Variants in CARS1 observed in about 807,000 individuals in gnomAD.
CARS1 encodes cysteine--tRNA ligase, cytoplasmic.
A neutral mutation model predicts 106.2 loss-of-function variants in CARS1; 48 were observed. The ratio of observed to expected loss-of-function variants is 0.45; its 90% confidence interval spans 0.36 to 0.57. The LOEUF is 0.57. CARS1 is among the 20% of genes least tolerant of loss of function. CARS1 has a pLI of 0.00. For synonymous variants in CARS1, 409 were observed against 403.4 expected (o/e 1.01, Z -0.17); for missense variants, 968 against 1,057.2 (o/e 0.92, Z 1.17).
Position 3,018,517 on chromosome 11 carries a change from G to C in CARS1, c.1526-6C>G, listed in dbSNP as rs1239013770. The C allele has an allele frequency of 6.2e-7, 1 of 1,613,346 alleles. No individual in the cohort carries two copies. The highest frequency in any genetic ancestry group is 1.3e-5 in the African/African-American group (1 of 75,044). ...GGCCAGCCGCAACTGCCGTGCTGTG[G>C]GGGGACACAAGACAGCCAACGCCCT... On this transcript the variant is annotated splice_region_variant and splice_polypyrimidine_tract_variant and intron_variant, in intron 13 of 22. Transcript: ENST00000380525.
rs1338346903 is a variant in CARS1, at chr11:3,052,253, C to T, written c.26-4252G>A. The stretch of plus-strand genomic sequence containing the variant: ...AGGGCTGAGTACCTACACTCACACA[C>T]ACGGCGGCATTTCCTCACGGTAAAA... On this transcript the variant is annotated intron_variant, in intron 1 of 22. Coordinates refer to ENST00000380525, the MANE Select transcript of CARS1 (RefSeq NM_001014437.3). This position sits in a 1 kb window ranked among gnomAD's most constrained non-coding sequence, Gnocchi z 4.6. Among the ~76,000 whole-genome samples the T allele has an allele frequency of 6.6e-6, 1 of 152,216 alleles. No homozygotes were observed. Among genetic ancestry groups the T allele is most frequent in the Non-Finnish European group, 1.5e-5 (1 of 68,044 alleles).
chr11:3,034,574 G>A lies in CARS1; in HGVS notation c.801+3476C>T, dbSNP rs768751970. 6.6e-6 allele frequency among the ~76,000 whole-genome samples: 1 copy of A among 151,870 alleles called. No homozygotes were observed. Among genetic ancestry groups the A allele is most frequent in the Non-Finnish European group, 1.5e-5 (1 of 68,002 alleles). ...GAGACGGAGTCTTGCTTCGTCGCCA[G>A]GCTGCAGTGCAACAGCACGATCTCG... is the stretch of plus-strand genomic sequence containing the variant. On this transcript the variant is annotated intron_variant, in intron 7 of 22. Transcript: ENST00000380525. This position sits in a 1 kb window ranked among gnomAD's most constrained non-coding sequence, Gnocchi z 6.3.
Position 3,040,775 on chromosome 11 carries a change from C to A in CARS1, c.455+121G>T. On this transcript the variant is annotated intron_variant, in intron 4 of 22. Coordinates refer to ENST00000380525, the MANE Select transcript of CARS1 (RefSeq NM_001014437.3). The surrounding 1 kb of genome is among the most constrained non-coding windows in gnomAD (Gnocchi z 5.8). ...GAAATTCAGTCTTGATTCCTCAAATCTCAGGTCTCTGTAGCAGATCTAAGA... is the reference window on the plus strand; with the variant it reads ...GAAATTCAGTCTTGATTCCTCAAATATCAGGTCTCTGTAGCAGATCTAAGA... 1 of 1,019,772 alleles carries A rather than the reference C, an allele frequency of 9.8e-7. No homozygotes were observed. The highest frequency in any genetic ancestry group is 1.5e-5 in the South Asian group (1 of 64,704). The allele number at this position is 1,019,772 out of a possible 1,614,324, so 63.2% of individuals were successfully genotyped here. A position where few individuals can be genotyped will look rare whatever the true frequency, so the allele number is the denominator to read the frequency against.
chr11:3,035,479 T>A (rs1265379627), intron 7 of CARS1, among the ~76,000 whole-genome samples: 1 of 152,154 alleles, frequency 6.6e-6, no homozygotes, highest in East Asian at 1.9e-4. Flanking sequence ...GAAATTTGCA[T>A]AGACATTTCT....
Position 3,029,007 on chromosome 11 carries a change from G to A in CARS1, c.1020C>T (p.Asp340=). Residue 340 remains aspartate, a synonymous_variant, in exon 9 of 23, where the codon GAC becomes GAT. Transcript: ENST00000380525. This position sits in a 1 kb window ranked among gnomAD's most constrained non-coding sequence, Gnocchi z 5.9. ...GCCCTTGTGCTTACCCGTAACCGTT[G>A]TCCACAATCTTCTGGACAAAGTTCA... The part of the protein sequence containing the change: ...EIVNFVQKIV[D]NGYGYVSNGS... The A allele has an allele frequency of 6.2e-7, 1 of 1,613,302 alleles. No individual in the cohort carries two copies. The highest frequency in any genetic ancestry group is 8.5e-7 in the Non-Finnish European group (1 of 1,179,314).
intron 17 of CARS1, among the ~76,000 whole-genome samples, chr11:3,013,011 T>C (rs1850638591): frequency 6.8e-6 from 1 of 146,246 alleles, no homozygotes; most frequent in African/African-American, 2.5e-5. Context: ...TGCCTCAGCC[T>C]CCCGAGTAGC....
chr11:3,032,000 C>CCT (rs1565074403), intron 7 of CARS1, among the ~76,000 whole-genome samples: 40 of 65,448 alleles, frequency 6.1e-4, no homozygotes, highest in African/African-American at 8.6e-4. Flanking sequence ...CCTTCCTTCC[C>CCT]TCCCTCCCTC....
In CARS1 at chr11:3,057,357, G is replaced by C. The variant is rs1014712506; in HGVS notation, c.11C>G (p.Ser4Cys). 6.2e-7 allele frequency: 1 copy of C among 1,610,698 alleles called. No individual in the cohort carries two copies. The highest frequency in any genetic ancestry group is 8.5e-7 in the Non-Finnish European group (1 of 1,179,016). ...GCGCCGCTCACCCTGCTGCCCGGAGGAATCTGCCATGGCTGGGAATCCCGG... is the reference window on the plus strand; with the variant it reads ...GCGCCGCTCACCCTGCTGCCCGGAGCAATCTGCCATGGCTGGGAATCCCGG... MADSSGQQAPDYRS... is the reference protein window; with the variant it reads MADCSGQQAPDYRS... Residue 4 changes from serine (S) to cysteine (C), a missense_variant, in exon 1 of 23, where the codon TCC becomes TGC. Transcript: ENST00000380525.
rs1705791241 is a variant in CARS1 at position 3,019,061 on chromosome 11, G to A, written c.1395+78C>T. Reference sequence around the variant, plus strand: ...TTCTAGTGAGAGAGGCCCTTCTGAGGCCTGGGCTGACTTTTCCTCCACTGC... The same window carrying A: ...TTCTAGTGAGAGAGGCCCTTCTGAGACCTGGGCTGACTTTTCCTCCACTGC... On this transcript the variant is annotated intron_variant, in intron 12 of 22. Coordinates refer to ENST00000380525, the MANE Select transcript of CARS1 (RefSeq NM_001014437.3). This position sits in a 1 kb window ranked among gnomAD's most constrained non-coding sequence, Gnocchi z 6.2. 3 of 1,451,196 alleles carry A rather than the reference G, an allele frequency of 2.1e-6. No homozygotes were observed. The highest frequency in any genetic ancestry group is 2.4e-5 in the East Asian group (1 of 42,364). 89.9% of individuals were successfully genotyped at this position (1,451,196 alleles called of 1,614,324 possible).
At chr11:3,033,180 G>C (rs1039423933) in intron 7 of CARS1, among the ~76,000 whole-genome samples, 38 of 152,140 alleles carry the variant, frequency 2.5e-4, no homozygotes, top group Admixed American at 2.4e-3. Flanking sequence ...CCAACAGGAA[G>C]AATTAGCAAA....
intron 16 of CARS1, among the ~76,000 whole-genome samples, chr11:3,016,448 C>A (rs1851018632): frequency 6.6e-6 from 1 of 152,128 alleles, no homozygotes; most frequent in East Asian, 1.9e-4. Context: ...TGGTCTCCAT[C>A]TCCTGACCTT....
At position 3,021,805 on chromosome 11, in the gene CARS1, C is replaced by T. The variant is rs1042039396; in HGVS notation, c.1154-1473G>A. Among the ~76,000 whole-genome samples, 5 of 152,162 alleles carry T rather than the reference C, an allele frequency of 3.3e-5. No homozygotes were observed. The highest frequency in any genetic ancestry group is 9.7e-5 in the African/African-American group (4 of 41,448). On this transcript the variant is annotated intron_variant, in intron 10 of 22. Transcript: ENST00000380525. The surrounding 1 kb of genome is among the most constrained non-coding windows in gnomAD (Gnocchi z 5.3). ...CGCTGTCCTGGCTTCCTTCTACCTC[C>T]GCACTGTTCTGCCACTGACAATTCC...
chr11:3,057,287 C>T, intron 1 of CARS1, 56 bp downstream of exon 1: 3 of 1,524,752 alleles, frequency 2.0e-6, no homozygotes, highest in Non-Finnish European at 2.7e-6. Context: ...AGCCGAGCAC[C>T]CAGCGCCCAG....
rs1335406473 is a variant in CARS1 at position 3,044,329 on chromosome 11, A to G, written c.275-2073T>C. On this transcript the variant is annotated intron_variant, in intron 2 of 22. Transcript: ENST00000380525. The surrounding 1 kb of genome is among the most constrained non-coding windows in gnomAD (Gnocchi z 4.4). ...CCACACAGCTGGCGATGGGCTCCCC[A>G]GGAAAACGGGTTACCAGGCCCAGAT... is the stretch of plus-strand genomic sequence containing the variant. 4.6e-5 allele frequency among the ~76,000 whole-genome samples: 7 copies of G among 152,176 alleles called. No homozygotes were observed. Among genetic ancestry groups the G allele is most frequent in the Admixed American group, 2.0e-4 (3 of 15,282 alleles).
Position 3,019,146 on chromosome 11 carries a change from T to C in CARS1, c.1388A>G (p.Gln463Arg). The C allele has an allele frequency of 6.6e-7, 1 of 1,518,960 alleles. No homozygotes were observed. The highest frequency in any genetic ancestry group is 8.8e-7 in the Non-Finnish European group (1 of 1,138,224). The allele number at this position is 1,518,960 out of a possible 1,614,324, so 94.1% of individuals were successfully genotyped here. A position where few individuals can be genotyped will look rare whatever the true frequency, so the allele number is the denominator to read the frequency against. Residue 463 changes from glutamine (Q) to arginine (R), a missense_variant, in exon 12 of 23, where the codon CAG becomes CGG. Gln to Arg is a conservative substitution (Grantham distance 43). Coordinates refer to ENST00000380525, the MANE Select transcript of CARS1 (RefSeq NM_001014437.3). This position sits in a 1 kb window ranked among gnomAD's most constrained non-coding sequence, Gnocchi z 6.2. ...RFPHHDNELAQSEAYFENDCW... is the reference protein window; with the variant it reads ...RFPHHDNELARSEAYFENDCW... The stretch of plus-strand genomic sequence containing the variant: ...GACTCTGTTTTCACCTACCTCCGAC[T>C]GTGCCAGCTCATTGTCATGGTGGGG...
At chr11:3,002,081 T>C (rs760958005) in intron 21 of CARS1, 28 bp from the exon 22 acceptor site, 1 of 1,516,680 alleles carries the variant, frequency 6.6e-7, no homozygotes, top group Non-Finnish European at 9.2e-7. Flanking sequence ...GCACAGTCAC[T>C]GCCCCCGAGC....
Position 3,050,761 on chromosome 11 carries a change from C to T in CARS1, c.26-2760G>A, listed in dbSNP as rs929223811. 1.3e-5 allele frequency among the ~76,000 whole-genome samples: 2 copies of T among 152,192 alleles called. No individual in the cohort carries two copies. The highest frequency in any genetic ancestry group is 4.8e-5 in the African/African-American group (2 of 41,450). ...GATACCAGCAGGCCCCTTAATCCTT[C>T]ACAGCTCTGCTAGGTGCCGGCTTCC... On this transcript the variant is annotated intron_variant, in intron 1 of 22. Transcript: ENST00000380525. This position sits in a 1 kb window ranked among gnomAD's most constrained non-coding sequence, Gnocchi z 6.3.
At chr11:3,001,342 T>C in intron 22 of CARS1, 94 bp from the exon 23 acceptor site, 1 of 1,432,866 alleles carries the variant, frequency 7.0e-7, no homozygotes, top group East Asian at 2.3e-5. Flanking sequence ...AGTGTCTATC[T>C]CCCTGATGCA....
chr11:3,041,022 G>C lies in CARS1; in HGVS notation c.367-38C>G, dbSNP rs772616671. ...TGAAGGAATGACGATCACAAGAAAT[G>C]CAAGAAACACTGCACAGGATTACCA... On this transcript the variant is annotated intron_variant, in intron 3 of 22. Coordinates refer to ENST00000380525, the MANE Select transcript of CARS1 (RefSeq NM_001014437.3). This position sits in a 1 kb window ranked among gnomAD's most constrained non-coding sequence, Gnocchi z 4.9. The C allele has an allele frequency of 9.9e-6, 16 of 1,613,946 alleles. No individual in the cohort carries two copies. Among genetic ancestry groups the C allele is most frequent in the Non-Finnish European group, 1.4e-5 (16 of 1,179,908 alleles).
Sources: gnomAD v4.1 joint callset for allele counts (sites outside exome capture counted in the v4.1 genomes callset) on GRCh38, gnomAD v4.1.1 for gene constraint, Gnocchi (gnomAD v3.1) non-coding constraint, MANE v1.5 for transcripts, NCBI Gene and HGNC (gene_info 2026-07-23, HGNC 2026-07-21) for gene names.